Variants in NMNAT2 observed in about 807,000 individuals in gnomAD.
NMNAT2 encodes the protein nicotinamide/nicotinic acid mononucleotide adenylyltransferase 2.
Under a neutral mutation model 41.6 loss-of-function variants are expected in NMNAT2, and 11 were observed. That is an observed-to-expected ratio of 0.26 (90% confidence interval 0.17 to 0.44). The LOEUF (loss-of-function observed/expected upper bound fraction) is 0.44. Ranked by LOEUF, NMNAT2 falls within the 20% of genes least tolerant of loss-of-function variation. The pLI is 1.00. For missense variants in NMNAT2, 288 were observed against 407.7 expected (o/e 0.71, Z 2.53); for synonymous variants, 148 against 151.2 (o/e 0.98, Z 0.16).
intron 1 of NMNAT2, among the ~76,000 whole-genome samples, chr1:183,394,755 A>T (rs929095107): frequency 2.0e-5 from 3 of 152,228 alleles, no homozygotes; most frequent in African/African-American, 7.2e-5. Flanking sequence ...AGGGGCTCAC[A>T]TCTCAATGAG....
intron 8 of NMNAT2, among the ~76,000 whole-genome samples, chr1:183,263,643 A>G (rs1018400274): frequency 2.6e-5 from 4 of 152,114 alleles, no homozygotes; most frequent in Admixed American, 2.6e-4. Context: ...TGTCTCTACT[A>G]AAAATACAAA....
chr1:183,344,974 C>T (rs544009617), intron 1 of NMNAT2, among the ~76,000 whole-genome samples: 37 of 152,274 alleles, frequency 2.4e-4, no homozygotes, highest in African/African-American at 7.9e-4. Flanking sequence ...AGAGCCACAG[C>T]GGGGAGAAGG....
chr1:183,346,659 A>AACG (rs1302926194), intron 1 of NMNAT2, among the ~76,000 whole-genome samples: 1 of 152,132 alleles, frequency 6.6e-6, no homozygotes, highest in African/African-American at 2.4e-5. Context: ...GTAACTTTGA[A>AACG]ACGACCAACC....
At chr1:183,283,533 G>C (rs1571572001) in intron 7 of NMNAT2, 1 of 101,600 alleles carries the variant, frequency 9.8e-6, no homozygotes, top group Non-Finnish European at 2.2e-5. Flanking sequence ...CCCTCACACA[G>C]ACAGTGAAGT....
intron 1 of NMNAT2, among the ~76,000 whole-genome samples, chr1:183,399,788 A>G (rs1386447577): frequency 2.6e-5 from 4 of 152,240 alleles, no homozygotes; most frequent in Non-Finnish European, 5.9e-5. Flanking sequence ...AATTCATCAT[A>G]TAAACAGAAC....
At chr1:183,323,276 C>T (rs1662390205) in intron 1 of NMNAT2, among the ~76,000 whole-genome samples, 1 of 152,198 alleles carries the variant, frequency 6.6e-6, no homozygotes, top group South Asian at 2.1e-4. Context: ...TGCACCACCA[C>T]TTCCTCCCTC....
At chr1:183,374,673 G>T (rs1285597791) in intron 1 of NMNAT2, among the ~76,000 whole-genome samples, 2 of 152,178 alleles carry the variant, frequency 1.3e-5, no homozygotes, top group African/African-American at 4.8e-5. Flanking sequence ...TGTATCCTGT[G>T]ATTTCATTGT....
chr1:183,356,960 T>C (rs2102356196), intron 1 of NMNAT2, among the ~76,000 whole-genome samples: 1 of 152,316 alleles, frequency 6.6e-6, no homozygotes, highest in Admixed American at 6.5e-5. Flanking sequence ...TCACAGCCAA[T>C]ATTTAAGTTT....
intron 3 of NMNAT2, 117 bp downstream of exon 3, chr1:183,292,673 C>T (rs1362460523): frequency 2.1e-5 from 19 of 894,070 alleles, no homozygotes; most frequent in Non-Finnish European, 1.5e-5. Context: ...TAATATCTTG[C>T]CCCTGCCTCC....
In NMNAT2 at chr1:183,251,472, C is replaced by T. The variant is rs889183102; in HGVS notation, c.*1169G>A. The T allele has an allele frequency of 6.6e-6, 1 of 152,312 alleles. No homozygotes were observed. Among genetic ancestry groups the T allele is most frequent in the Non-Finnish European group, 1.5e-5 (1 of 68,118 alleles). 9.4% of individuals were successfully genotyped at this position (152,312 alleles called of 1,614,324 possible). A position where few individuals can be genotyped will look rare whatever the true frequency, so the allele number is the denominator to read the frequency against. ...ATACATAATTCCAATTAGCAAAGAC[C>T]TCCAGGGTTGAGTGGACTCCTAGTG... On this transcript the variant is annotated 3_prime_UTR_variant, in exon 11 of 11. Coordinates refer to ENST00000287713, the MANE Select transcript of NMNAT2 (RefSeq NM_015039.4).
chr1:183,282,305 A>G (rs73055747), intron 7 of NMNAT2, among the ~76,000 whole-genome samples: 3 of 152,342 alleles, frequency 2.0e-5, no homozygotes, highest in Admixed American at 1.3e-4. Context: ...CTGGCTCACC[A>G]TAACTCCAGA....
intron 1 of NMNAT2, among the ~76,000 whole-genome samples, chr1:183,341,748 C>CAAAAACAAAAAAAAAAAA (rs369432128): frequency 8.8e-5 from 7 of 79,788 alleles, no homozygotes; most frequent in African/African-American, 2.7e-4. Context: ...AAAAAAAAAA[C>CAAAAACAAAAAAAAAAAA]CTGTTTCCTT....
intron 1 of NMNAT2, among the ~76,000 whole-genome samples, chr1:183,336,489 A>G (rs886645438): frequency 6.6e-6 from 1 of 152,178 alleles, no homozygotes; most frequent in Non-Finnish European, 1.5e-5. Context: ...TCTTCACCCA[A>G]TTTCCCCCAC....
At chr1:183,413,823 G>A (rs1207140123) in intron 1 of NMNAT2, among the ~76,000 whole-genome samples, 3 of 151,950 alleles carry the variant, frequency 2.0e-5, no homozygotes, top group Non-Finnish European at 4.4e-5. Flanking sequence ...TCGCCAGGAT[G>A]GTCTCGATCT....
intron 1 of NMNAT2, among the ~76,000 whole-genome samples, chr1:183,297,527 G>A (rs1375907651): frequency 6.6e-6 from 1 of 151,836 alleles, no homozygotes; most frequent in Non-Finnish European, 1.5e-5. Context: ...GAATTACAGG[G>A]ATGTGCCACC....
intron 1 of NMNAT2, among the ~76,000 whole-genome samples, chr1:183,356,438 G>A (rs974844697): frequency 7.2e-5 from 11 of 152,188 alleles, no homozygotes; most frequent in African/African-American, 2.2e-4. Flanking sequence ...ATGACCCAGC[G>A]TACCTGGGCA....
At chr1:183,298,248 A>T (rs1030243508) in intron 1 of NMNAT2, among the ~76,000 whole-genome samples, 12 of 152,176 alleles carry the variant, frequency 7.9e-5, no homozygotes, top group Non-Finnish European at 1.3e-4. Flanking sequence ...AAAGGAAAAT[A>T]AAAAAACCTG....
At chr1:183,363,710 C>T (rs1207301989) in intron 1 of NMNAT2, among the ~76,000 whole-genome samples, 1 of 152,070 alleles carries the variant, frequency 6.6e-6, no homozygotes, top group Non-Finnish European at 1.5e-5. Flanking sequence ...GAATTGTAAC[C>T]CCTTATTCCA....
At chr1:183,322,693 C>G (rs1398933325) in intron 1 of NMNAT2, among the ~76,000 whole-genome samples, 1 of 152,164 alleles carries the variant, frequency 6.6e-6, no homozygotes, top group Non-Finnish European at 1.5e-5. Flanking sequence ...TAACCTCTTC[C>G]CCATACCCAA....
Sources: gnomAD v4.1 joint callset for allele counts (sites outside exome capture counted in the v4.1 genomes callset) on GRCh38, gnomAD v4.1.1 for gene constraint, MANE v1.5 for transcripts, NCBI Gene and HGNC (gene_info 2026-07-23, HGNC 2026-07-21) for gene names.